Variants in MAGI1 observed in about 807,000 individuals in gnomAD.
MAGI1 encodes the protein membrane-associated guanylate kinase, WW and PDZ domain-containing protein 1.
Under a neutral mutation model 139.9 loss-of-function variants are expected in MAGI1, and 58 were observed. The observed-to-expected ratio is 0.41, with a 90% CI of 0.34 to 0.52. MAGI1 has a LOEUF of 0.52. MAGI1 is among the 20% of genes least tolerant of loss of function. The probability of loss-of-function intolerance (pLI) is 0.12; values close to 1 mark genes in which losing one functional copy is unlikely to be tolerated. For missense variants in MAGI1, 1,874 were observed against 1,901.6 expected, an observed-to-expected ratio of 0.99 and a Z score of 0.27; for synonymous variants, 812 against 737.9, an observed-to-expected ratio of 1.10 and a Z score of -1.63.
intron 14 of MAGI1, among the ~76,000 whole-genome samples, chr3:65,384,052 C>T (rs1201323143): frequency 6.6e-6 from 1 of 152,200 alleles, no homozygotes; most frequent in Non-Finnish European, 1.5e-5. Context: ...ATTCGGAAGT[C>T]ATGTTAAGTC....
At chr3:65,704,377 G>T (rs1475255042) in intron 1 of MAGI1, among the ~76,000 whole-genome samples, 1 of 152,168 alleles carries the variant, frequency 6.6e-6, no homozygotes, top group Non-Finnish European at 1.5e-5. Context: ...TGCCATGTGA[G>T]GAGGGAGCAT....
chr3:65,383,567 A>T lies in MAGI1; in HGVS notation c.2473T>A (p.Phe825Ile). Residue 825 changes from phenylalanine to isoleucine, a missense_variant, in exon 15 of 23, where the codon TTT (phenylalanine) becomes ATT (isoleucine). Physicochemically the swap from Phe to Ile is conservative, Grantham distance 21 (BLOSUM62 0). Transcript: ENST00000402939. The part of the protein sequence containing the change: ...FLWRKETGFG[F>I]RILGGNEPGE... ...GGTTCATTTCCACCCAGAATCCTAA[A>T]TCCAAATCCAGTCTCTTTTCTCCAG... 1 of 1,613,924 alleles carries T rather than the reference A, an allele frequency of 6.2e-7. No homozygotes were observed. Among genetic ancestry groups the T allele is most frequent in the Non-Finnish European group, 8.5e-7 (1 of 1,179,828 alleles).
chr3:65,705,448 T>C (rs1050475145), intron 1 of MAGI1, among the ~76,000 whole-genome samples: 2 of 152,236 alleles, frequency 1.3e-5, no homozygotes, highest in African/African-American at 4.8e-5. Context: ...CACTGAATTG[T>C]ATACTTTAAA....
chr3:65,835,689 G>A (rs2108314103), intron 1 of MAGI1, among the ~76,000 whole-genome samples: 1 of 152,242 alleles, frequency 6.6e-6, no homozygotes, highest in South Asian at 2.1e-4. Context: ...TTATATTTTT[G>A]TAGTGAAAAA....
intron 2 of MAGI1, among the ~76,000 whole-genome samples, chr3:65,533,912 G>A (rs2078830076): frequency 6.6e-6 from 1 of 152,020 alleles, no homozygotes; most frequent in East Asian, 1.9e-4. Flanking sequence ...ACCTTATATG[G>A]CTTATGTAAA....
At chr3:65,831,567 A>G (rs1460221301) in intron 1 of MAGI1, among the ~76,000 whole-genome samples, 1 of 152,210 alleles carries the variant, frequency 6.6e-6, no homozygotes, top group Non-Finnish European at 1.5e-5. Context: ...ACTGGCCTCT[A>G]ACTCTTGAAA....
At chr3:65,551,776 A>T (rs1039385022) in intron 2 of MAGI1, among the ~76,000 whole-genome samples, 1 of 152,272 alleles carries the variant, frequency 6.6e-6, no homozygotes, top group African/African-American at 2.4e-5. Flanking sequence ...TAAGCATCTG[A>T]AACAGACCTT....
chr3:65,659,484 G>A (rs2086071421), intron 1 of MAGI1, among the ~76,000 whole-genome samples: 1 of 152,070 alleles, frequency 6.6e-6, no homozygotes, highest in South Asian at 2.1e-4. Flanking sequence ...CCAGTGCCAG[G>A]ACGGTTCCAA....
At chr3:65,795,215 T>C (rs543986572) in intron 1 of MAGI1, among the ~76,000 whole-genome samples, 1 of 152,340 alleles carries the variant, frequency 6.6e-6, no homozygotes, top group Middle Eastern at 3.4e-3. Flanking sequence ...ACTATGAACA[T>C]GTGCATATGA....
At chr3:65,967,393 C>CGTACT (rs1031306695) in intron 1 of MAGI1, among the ~76,000 whole-genome samples, 1 of 152,058 alleles carries the variant, frequency 6.6e-6, no homozygotes, top group Non-Finnish European at 1.5e-5. Flanking sequence ...AAGATGGAAG[C>CGTACT]GTACTGAAAA....
At chr3:65,920,119 C>T (rs888495982) in intron 1 of MAGI1, among the ~76,000 whole-genome samples, 2 of 152,180 alleles carry the variant, frequency 1.3e-5, no homozygotes, top group African/African-American at 4.8e-5. Context: ...TTTTGCACAT[C>T]ACAAATTACC....
Position 65,958,051 on chromosome 3 carries a change from G to A in MAGI1, c.313+79945C>T, listed in dbSNP as rs139544729. Among the ~76,000 whole-genome samples the A allele has an allele frequency of 1.1e-3, 162 of 152,170 alleles. 1 individual carries two copies. Among genetic ancestry groups the A allele is most frequent in the African/African-American group, 3.7e-3 (155 of 41,536 alleles). On this transcript the variant is annotated intron_variant, in intron 1 of 22. Transcript: ENST00000402939. ...TGGAATTACAGGTGTGAGCCACCGC[G>A]CCTGGCCTAGTTCTTGATTGAACTG... is the stretch of plus-strand genomic sequence containing the variant.
chr3:65,728,145 G>A (rs989898952), intron 1 of MAGI1, among the ~76,000 whole-genome samples: 1 of 152,170 alleles, frequency 6.6e-6, no homozygotes, highest in African/African-American at 2.4e-5. Context: ...TAAGGAGGTG[G>A]CATAGGAACT....
chr3:65,703,350 G>A (rs756866387), intron 1 of MAGI1, among the ~76,000 whole-genome samples: 4 of 152,170 alleles, frequency 2.6e-5, no homozygotes, highest in Non-Finnish European at 5.9e-5. Flanking sequence ...ATGCTAGCAA[G>A]ATTGCCCTGG....
intron 2 of MAGI1, among the ~76,000 whole-genome samples, chr3:65,502,827 T>G (rs1354956799): frequency 6.6e-6 from 1 of 151,818 alleles, no homozygotes; most frequent in Non-Finnish European, 1.5e-5. Context: ...AATTCCAATG[T>G]GAAAAGAAAA....
At chr3:65,905,385 G>A (rs1326946460) in intron 1 of MAGI1, among the ~76,000 whole-genome samples, 1 of 151,002 alleles carries the variant, frequency 6.6e-6, no homozygotes, top group East Asian at 1.9e-4. Context: ...CTTTTTCTTA[G>A]CCTGGGCAAC....
chr3:65,381,047 A>G (rs1336424055), intron 16 of MAGI1, among the ~76,000 whole-genome samples: 3 of 152,200 alleles, frequency 2.0e-5, no homozygotes, highest in African/African-American at 7.2e-5. Context: ...CACTGATAGA[A>G]GACAATCACC....
chr3:65,584,039 T>G (rs1482072988), intron 2 of MAGI1, among the ~76,000 whole-genome samples: 1 of 147,492 alleles, frequency 6.8e-6, no homozygotes, highest in Non-Finnish European at 1.5e-5. Context: ...GACTCTGACA[T>G]TCTCTACCCC....
intron 12 of MAGI1, among the ~76,000 whole-genome samples, chr3:65,413,440 T>C (rs962661681): frequency 6.6e-6 from 1 of 152,182 alleles, no homozygotes; most frequent in Non-Finnish European, 1.5e-5. Flanking sequence ...AAGTCAGACC[T>C]AAAGAAGTCA....
Sources: gnomAD v4.1 joint callset for allele counts (sites outside exome capture counted in the v4.1 genomes callset) on GRCh38, gnomAD v4.1.1 for gene constraint, MANE v1.5 for transcripts, NCBI Gene and HGNC (gene_info 2026-07-23, HGNC 2026-07-21) for gene names.